Variants in STXBP3 observed in about 807,000 individuals in gnomAD.
STXBP3 encodes the protein syntaxin binding protein 3, also known as syntaxin-binding protein 3.
In STXBP3, 41 loss-of-function variants were observed where a neutral mutation model predicts 85.7. The ratio of observed to expected loss-of-function variants is 0.48; its 90% confidence interval spans 0.37 to 0.62. The LOEUF is 0.62. Ranked by LOEUF, STXBP3 falls within the 20% of genes least tolerant of loss-of-function variation. STXBP3 has a pLI of 0.00. For missense variants in STXBP3, 563 were observed against 703.1 expected (o/e 0.80, Z 2.25); for synonymous variants, 229 against 231.7 (o/e 0.99, Z 0.10).
intron 9 of STXBP3, 97 bp downstream of exon 9, chr1:108,779,507 C>G (rs1163138479): frequency 1.5e-6 from 2 of 1,291,462 alleles, no homozygotes; most frequent in Non-Finnish European, 2.1e-6. Context: ...CTGAAAGCCC[C>G]TATAACCTTT....
chr1:108,777,845 A>G (rs1026373307), intron 8 of STXBP3, among the ~76,000 whole-genome samples: 16 of 152,120 alleles, frequency 1.1e-4, no homozygotes, highest in African/African-American at 3.9e-4. Context: ...TAAGCCTGCT[A>G]TAGAATTTAT....
At chr1:108,785,133 T>G (rs1367403729) in intron 11 of STXBP3, among the ~76,000 whole-genome samples, 2 of 152,174 alleles carry the variant, frequency 1.3e-5, no homozygotes, top group Admixed American at 6.5e-5. Context: ...TTCTCACAGT[T>G]CACTAGGCAG....
chr1:108,785,089 C>G (rs530187284), intron 11 of STXBP3, among the ~76,000 whole-genome samples: 1 of 152,274 alleles, frequency 6.6e-6, no homozygotes, highest in South Asian at 2.1e-4. Flanking sequence ...GTTGGTGGAT[C>G]TACTATTCTG....
At chr1:108,754,921 C>T (rs557824378) in intron 3 of STXBP3, among the ~76,000 whole-genome samples, 51 of 152,290 alleles carry the variant, frequency 3.3e-4, no homozygotes, top group African/African-American at 9.6e-4. Context: ...GTAGTCATAT[C>T]TTCTAACTTA....
intron 11 of STXBP3, among the ~76,000 whole-genome samples, chr1:108,791,157 A>C (rs1024573269): frequency 3.3e-5 from 5 of 152,238 alleles, no homozygotes; most frequent in Non-Finnish European, 5.9e-5. Context: ...TTTTCCTTTC[A>C]GCAATTTAAA....
rs1326106332 is a variant in STXBP3, at chr1:108,771,699, TCA to T, written c.439-965_439-964del. 2.2e-3 allele frequency among the ~76,000 whole-genome samples: 34 copies of T among 15,684 alleles called. 2 individuals carry two copies. Among genetic ancestry groups the T allele is most frequent in the Non-Finnish European group, 3.4e-3 (25 of 7,350 alleles). 10.3% of individuals were successfully genotyped at this position (15,684 alleles called of 152,430 possible). A position where few individuals can be genotyped will look rare whatever the true frequency, so the allele number is the denominator to read the frequency against. On this transcript the variant is annotated intron_variant, in intron 6 of 18. Coordinates refer to ENST00000370008, the MANE Select transcript of STXBP3 (RefSeq NM_007269.4). ...TATATATGATATCTATCTATATATA[TCA>T]TATATAAATATATATGATATCTATC...
Position 108,771,778 on chromosome 1 carries a change from A to AAT in STXBP3, c.439-882_439-881dup, listed in dbSNP as rs1333762754. ...GATATCTATCTATATATCATATATA[A>AAT]ATATATGATATCTATCTATATATAT... On this transcript the variant is annotated intron_variant, in intron 6 of 18. Transcript: ENST00000370008. 2.5e-4 allele frequency among the ~76,000 whole-genome samples: 11 copies of AAT among 43,286 alleles called. 2 individuals are homozygous for AAT. The highest frequency in any genetic ancestry group is 1.2e-3 in the African/African-American group (11 of 9,520). The allele number at this position is 43,286 out of a possible 152,430, so 28.4% of individuals were successfully genotyped here. A position where few individuals can be genotyped will look rare whatever the true frequency, so the allele number is the denominator to read the frequency against.
Position 108,771,802 on chromosome 1 carries a change from A to C in STXBP3, c.439-863A>C, listed in dbSNP as rs1432469055. Among the ~76,000 whole-genome samples, 3 of 43,822 alleles carry C rather than the reference A, an allele frequency of 6.8e-5. 1 individual carries two copies. The highest frequency in any genetic ancestry group is 1.9e-4 in the African/African-American group (2 of 10,684). The allele number at this position is 43,822 out of a possible 152,430, so 28.7% of individuals were successfully genotyped here. On this transcript the variant is annotated intron_variant, in intron 6 of 18. Transcript: ENST00000370008. ...AAATATATGATATCTATCTATATATATCATATATAAATATATGATATCTAT... is the reference window on the plus strand; with the variant it reads ...AAATATATGATATCTATCTATATATCTCATATATAAATATATGATATCTAT...
intron 6 of STXBP3, among the ~76,000 whole-genome samples, chr1:108,772,462 T>TATG (rs1553196653): frequency 7.0e-6 from 1 of 142,774 alleles, no homozygotes; most frequent in East Asian, 2.0e-4. Context: ...TATAAATACA[T>TATG]ATATCTATCT....
At chr1:108,751,271 A>G (rs1262438352) in intron 1 of STXBP3, among the ~76,000 whole-genome samples, 1 of 152,044 alleles carries the variant, frequency 6.6e-6, no homozygotes, top group Admixed American at 6.6e-5. Flanking sequence ...AGATGCTATC[A>G]CTCAGGAGAT....
chr1:108,751,044 CTCTT>C (rs2101100865), intron 1 of STXBP3, among the ~76,000 whole-genome samples: 1 of 152,312 alleles, frequency 6.6e-6, no homozygotes, highest in East Asian at 1.9e-4. Context: ...TCTCCAAACT[CTCTT>C]AAGGGGTTTT....
intron 17 of STXBP3, among the ~76,000 whole-genome samples, chr1:108,805,448 G>A (rs1457695419): frequency 3.6e-5 from 5 of 139,618 alleles, no homozygotes; most frequent in South Asian, 2.2e-4. Context: ...TTTTTGAGAC[G>A]GAGTCTCGCT....
rs1456592298 is a variant in STXBP3 at position 108,752,403 on chromosome 1, C to T, written c.99+97C>T. ...TAGTATTTACATGGTATTAGGTATT[C>T]TAGTATAAGTAATCTAAAGATAATT... On this transcript the variant is annotated intron_variant, in intron 2 of 18. Coordinates refer to ENST00000370008, the MANE Select transcript of STXBP3 (RefSeq NM_007269.4). The T allele has an allele frequency of 9.0e-6, 10 of 1,113,844 alleles. No homozygotes were observed. The East Asian group carries it at 2.6e-4, about 29-fold the overall frequency. 69.0% of individuals were successfully genotyped at this position (1,113,844 alleles called of 1,614,324 possible).
At chr1:108,760,500 ACTTGTTTTGC>A (rs1662116648) in intron 6 of STXBP3, among the ~76,000 whole-genome samples, 1 of 152,102 alleles carries the variant, frequency 6.6e-6, no homozygotes, top group Non-Finnish European at 1.5e-5. Context: ...GGGATTTTTG[ACTTGTTTTGC>A]CTTTGGAACA....
intron 6 of STXBP3, among the ~76,000 whole-genome samples, chr1:108,771,513 AATAT>A (rs1230525308): frequency 2.3e-5 from 1 of 43,382 alleles, no homozygotes; most frequent in East Asian, 2.8e-4. Context: ...ATGATATATA[AATAT>A]ATATGATATA....
At chr1:108,748,499 G>A (rs1661839672) in intron 1 of STXBP3, among the ~76,000 whole-genome samples, 1 of 152,076 alleles carries the variant, frequency 6.6e-6, no homozygotes, top group South Asian at 2.1e-4. Context: ...TCCAGCCTGG[G>A]TGACAGAGCA....
intron 18 of STXBP3, among the ~76,000 whole-genome samples, chr1:108,808,129 T>C (rs1250174415): frequency 6.6e-6 from 1 of 152,230 alleles, no homozygotes; most frequent in Non-Finnish European, 1.5e-5. Context: ...AAATAGTTTT[T>C]GAGGCACAAA....
rs76917870 is a variant in STXBP3, at chr1:108,797,117, C to T, written c.1356+391C>T. Reference sequence around the variant, plus strand: ...CCTGTAATCCCAACACTCTGGGAGACGCTGAGGCAGGAGGATTTCTTGAGC... The same window carrying T: ...CCTGTAATCCCAACACTCTGGGAGATGCTGAGGCAGGAGGATTTCTTGAGC... On this transcript the variant is annotated intron_variant, in intron 15 of 18. Transcript: ENST00000370008. 2.4e-3 allele frequency among the ~76,000 whole-genome samples: 371 copies of T among 151,930 alleles called. 4 individuals are homozygous for T. Among genetic ancestry groups the T allele is most frequent in the African/African-American group, 5.2e-3 (216 of 41,468 alleles).
chr1:108,783,479 C>T (rs144126539), intron 11 of STXBP3, among the ~76,000 whole-genome samples: 5 of 152,188 alleles, frequency 3.3e-5, no homozygotes, highest in Admixed American at 1.3e-4. Context: ...ACCTGTGTTA[C>T]GTATTTTAGT....
Sources: gnomAD v4.1 joint callset for allele counts (sites outside exome capture counted in the v4.1 genomes callset) on GRCh38, gnomAD v4.1.1 for gene constraint, MANE v1.5 for transcripts, NCBI Gene and HGNC (gene_info 2026-07-23, HGNC 2026-07-21) for gene names.